RANBP17: variants seen among roughly 807,000 people sequenced by gnomAD.
RANBP17 encodes ran-binding protein 17.
Under a neutral mutation model 141.2 loss-of-function variants are expected in RANBP17, and 158 were observed. The ratio of observed to expected loss-of-function variants is 1.12; its 90% CI spans 0.98 to 1.28. The LOEUF (loss-of-function observed/expected upper bound fraction) is 1.28. Ranked by LOEUF, RANBP17 falls within the 50% of genes most tolerant of loss-of-function variation. The probability of loss-of-function intolerance (pLI) is 0.00; values close to 1 mark genes in which losing one functional copy is unlikely to be tolerated. For missense variants in RANBP17, 1,438 were observed against 1,290.7 expected (o/e 1.11, Z -1.75); for synonymous variants, 430 against 450.0 (o/e 0.96, Z 0.56).
intron 1 of RANBP17, 116 bp from the exon 2 acceptor site, chr5:170,877,981 A>T (rs1768328784): frequency 1.5e-6 from 1 of 649,590 alleles, no homozygotes; most frequent in Non-Finnish European, 2.4e-6. Context: ...TATATCGATA[A>T]ACATGTATTG....
At chr5:170,884,422 C>T (rs374118197) in intron 3 of RANBP17, among the ~76,000 whole-genome samples, 3 of 151,998 alleles carry the variant, frequency 2.0e-5, no homozygotes, top group African/African-American at 7.3e-5. Flanking sequence ...ATACTATATT[C>T]TGTGAATAAG....
Position 171,265,751 on chromosome 5 carries a change from A to C in RANBP17, c.2847A>C (p.Ala949=), listed in dbSNP as rs1454799486. Residue 949 remains alanine, a synonymous_variant, in exon 25 of 28, where the codon GCA becomes GCC. Coordinates refer to ENST00000523189, the MANE Select transcript of RANBP17 (RefSeq NM_022897.5). ...YIVTYLFKHI[A]KEGKKPLRCR... ...TCACCTACCTCTTCAAGCACATAGC[A>C]AAAGAGGGCAAGAAGCCACTTCGAT... 1.2e-6 allele frequency: 2 copies of C among 1,614,090 alleles called. No individual in the cohort carries two copies. Among genetic ancestry groups the C allele is most frequent in the Admixed American group, 1.7e-5 (1 of 60,020 alleles).
At chr5:170,983,261 T>G in intron 14 of RANBP17, 1 of 268,024 alleles carries the variant, frequency 3.7e-6, no homozygotes, top group Non-Finnish European at 7.1e-6. Context: ...AGGTGTTTTG[T>G]TTTGTTATTT....
chr5:171,003,375 T>G (rs1363787592), intron 14 of RANBP17, among the ~76,000 whole-genome samples: 1 of 152,152 alleles, frequency 6.6e-6, no homozygotes, highest in African/African-American at 2.4e-5. Context: ...TTGGTTTTGT[T>G]AGGATGGCAA....
At chr5:171,032,969 A>G (rs551385718) in intron 14 of RANBP17, among the ~76,000 whole-genome samples, 34 of 152,138 alleles carry the variant, frequency 2.2e-4, no homozygotes, top group Non-Finnish European at 4.3e-4. Context: ...TTTAAAGGTC[A>G]AATATATTTG....
intron 14 of RANBP17, among the ~76,000 whole-genome samples, chr5:171,096,501 G>T (rs1002127430): frequency 2.6e-5 from 4 of 152,162 alleles, no homozygotes; most frequent in African/African-American, 9.7e-5. Flanking sequence ...AAATATTTAG[G>T]TAGCACATCT....
chr5:171,165,338 C>T (rs976959704), intron 14 of RANBP17, among the ~76,000 whole-genome samples: 1 of 152,004 alleles, frequency 6.6e-6, no homozygotes, highest in East Asian at 1.9e-4. Context: ...CACGCCACGA[C>T]GCTCGGCTAA....
intron 14 of RANBP17, among the ~76,000 whole-genome samples, chr5:171,030,128 G>T (rs1781466133): frequency 6.6e-6 from 1 of 152,024 alleles, no homozygotes; most frequent in Admixed American, 6.6e-5. Context: ...AGGAAGAAGA[G>T]AGATTGTCTT....
chr5:170,865,011 ATTC>A (rs1379797427), intron 1 of RANBP17, among the ~76,000 whole-genome samples: 4 of 152,120 alleles, frequency 2.6e-5, no homozygotes, highest in Non-Finnish European at 5.9e-5. Context: ...TTCTATCTTC[ATTC>A]TACAATTAGT....
chr5:170,955,607 TATGC>T (rs1775598467), intron 13 of RANBP17, among the ~76,000 whole-genome samples: 2 of 83,756 alleles, frequency 2.4e-5, no homozygotes, highest in Non-Finnish European at 4.5e-5. Context: ...TATATATATA[TATGC>T]TCAGTGTATA....
intron 22 of RANBP17, among the ~76,000 whole-genome samples, chr5:171,228,847 T>C (rs933237777): frequency 6.6e-6 from 1 of 152,118 alleles, no homozygotes; most frequent in African/African-American, 2.4e-5. Flanking sequence ...AATTATGATA[T>C]ATACATTATT....
At chr5:171,167,309 G>A (rs918197831) in intron 14 of RANBP17, among the ~76,000 whole-genome samples, 5 of 152,036 alleles carry the variant, frequency 3.3e-5, no homozygotes, top group African/African-American at 1.2e-4. Context: ...ATTTTAAAAT[G>A]CATAATAAAA....
chr5:170,995,288 G>A (rs1042529860), intron 14 of RANBP17, among the ~76,000 whole-genome samples: 3 of 152,036 alleles, frequency 2.0e-5, no homozygotes, highest in African/African-American at 4.8e-5. Flanking sequence ...CTTTTACAAG[G>A]TGTCAATTAG....
chr5:170,913,820 T>C (rs1213075786), intron 7 of RANBP17, among the ~76,000 whole-genome samples: 1 of 148,116 alleles, frequency 6.8e-6, no homozygotes, highest in African/African-American at 2.5e-5. Flanking sequence ...TAGGGTACAG[T>C]TTTTTTTTTA....
chr5:170,938,181 A>G (rs946053144), intron 12 of RANBP17, among the ~76,000 whole-genome samples: 3 of 152,236 alleles, frequency 2.0e-5, no homozygotes, highest in Non-Finnish European at 2.9e-5. Context: ...ATAAATATCA[A>G]TGATGAAATT....
At chr5:171,149,399 CTG>C (rs1167434215) in intron 14 of RANBP17, among the ~76,000 whole-genome samples, 1 of 152,332 alleles carries the variant, frequency 6.6e-6, no homozygotes, top group East Asian at 1.9e-4. Flanking sequence ...CAACACATGA[CTG>C]TTAATTTTAT....
chr5:170,891,801 G>A (rs1036580913), intron 3 of RANBP17, among the ~76,000 whole-genome samples: 7 of 152,158 alleles, frequency 4.6e-5, no homozygotes, highest in Admixed American at 3.9e-4. Context: ...CAACATTGGG[G>A]ACATGAGACT....
intron 12 of RANBP17, among the ~76,000 whole-genome samples, chr5:170,929,797 C>CT (rs924151700): frequency 6.6e-6 from 1 of 152,194 alleles, no homozygotes; most frequent in African/African-American, 2.4e-5. Context: ...ATTATTTCTT[C>CT]TTTAAGAGGG....
intron 13 of RANBP17, among the ~76,000 whole-genome samples, chr5:170,955,635 ATATATGCTCAGTG>A (rs1231123901): frequency 1.3e-5 from 1 of 74,652 alleles, no homozygotes; most frequent in African/African-American, 6.4e-5. Flanking sequence ...ATATATATAT[ATATATGCTCAGTG>A]TATATATATA....
Sources: allele counts gnomAD v4.1 joint callset (sites outside exome capture counted in the v4.1 genomes callset), GRCh38; gene constraint gnomAD v4.1.1; transcripts MANE v1.5; gene names NCBI Gene and HGNC (gene_info 2026-07-23, HGNC 2026-07-21).